LRP1B: variants seen among roughly 807,000 people sequenced by gnomAD.
LRP1B encodes the protein low-density lipoprotein receptor-related protein 1B.
In LRP1B, 217 loss-of-function variants were observed where a neutral mutation model predicts 556.6. That is an observed-to-expected ratio of 0.39 (90% confidence interval 0.35 to 0.44). The LOEUF is 0.44. Ranked by LOEUF, LRP1B falls within the 20% of genes least tolerant of loss-of-function variation. The pLI, the probability that LRP1B is intolerant of heterozygous loss-of-function variation, is 1.00. For missense variants in LRP1B, 5,053 were observed against 5,620.8 expected (o/e 0.90, Z 3.23); for synonymous variants, 2,047 against 1,865.8 (o/e 1.10, Z -2.50).
At chr2:142,093,136 T>C (rs920454524) in intron 1 of LRP1B, among the ~76,000 whole-genome samples, 2 of 152,154 alleles carry the variant, frequency 1.3e-5, no homozygotes, top group Non-Finnish European at 2.9e-5. Context: ...TTTGAAGTCT[T>C]TCTCCATCTT....
chr2:141,112,977 C>T (rs972198451), intron 7 of LRP1B, among the ~76,000 whole-genome samples: 2 of 152,100 alleles, frequency 1.3e-5, no homozygotes, highest in African/African-American at 4.8e-5. Context: ...CTGATACAGA[C>T]TTTTGAAAAG....
intron 53 of LRP1B, 100 bp from the exon 54 acceptor site, chr2:140,503,203 C>T: frequency 1.1e-6 from 1 of 933,228 alleles, no homozygotes; most frequent in Non-Finnish European, 1.6e-6. Flanking sequence ...GTGGATTACT[C>T]ATGTCTCCCA....
chr2:141,195,751 G>C (rs187541748), intron 6 of LRP1B, among the ~76,000 whole-genome samples: 56 of 152,264 alleles, frequency 3.7e-4, no homozygotes, highest in Admixed American at 3.4e-3. Context: ...TTATCAAAGT[G>C]TCATTCTGTG....
At chr2:140,911,870 T>G (rs185537242) in intron 21 of LRP1B, among the ~76,000 whole-genome samples, 1 of 151,930 alleles carries the variant, frequency 6.6e-6, no homozygotes, top group Non-Finnish European at 1.5e-5. Context: ...TCAACAGATA[T>G]ATCTATAAAT....
chr2:140,430,394 T>C (rs975940922), intron 66 of LRP1B, among the ~76,000 whole-genome samples: 2 of 152,218 alleles, frequency 1.3e-5, no homozygotes, highest in African/African-American at 4.8e-5. Context: ...CCTCCATCAT[T>C]AATGCCTCTT....
intron 1 of LRP1B, among the ~76,000 whole-genome samples, chr2:142,041,259 C>A (rs1704055252): frequency 6.6e-6 from 1 of 151,302 alleles, no homozygotes; most frequent in Non-Finnish European, 1.5e-5. Flanking sequence ...GACAAGGAAG[C>A]CATTATCATT....
Position 141,053,822 on chromosome 2 carries a change from GTA to G in LRP1B, c.1552+1292_1552+1293del, listed in dbSNP as rs1230354372. ...TGTATGTATGCACATATGCATGTGTGTATATATGTGTGTGTGTGTGTGTGTGA... is the reference window on the plus strand; with the variant it reads ...TGTATGTATGCACATATGCATGTGTGTATATGTGTGTGTGTGTGTGTGTGA... On this transcript the variant is annotated intron_variant, in intron 10 of 90. Coordinates refer to ENST00000389484, the MANE Select transcript of LRP1B (RefSeq NM_018557.3). Among the ~76,000 whole-genome samples the G allele has an allele frequency of 5.8e-5, 4 of 68,898 alleles. No individual in the cohort carries two copies. In the East Asian group the frequency reaches 1.5e-3, roughly 26 times the overall value. The allele number at this position is 68,898 out of a possible 152,430, so 45.2% of individuals were successfully genotyped here.
chr2:140,890,130 G>T (rs903270836), intron 23 of LRP1B, among the ~76,000 whole-genome samples: 1 of 151,424 alleles, frequency 6.6e-6, no homozygotes, highest in African/African-American at 2.4e-5. Flanking sequence ...TTCCAGATGG[G>T]TACATAATGT....
intron 72 of LRP1B, 36 bp downstream of exon 72, chr2:140,364,625 T>C: frequency 6.2e-7 from 1 of 1,602,046 alleles, no homozygotes; most frequent in Non-Finnish European, 8.5e-7. Flanking sequence ...GATCAGAAGA[T>C]AAAAGTATAA....
chr2:140,686,926 T>A (rs1559054963), intron 41 of LRP1B, among the ~76,000 whole-genome samples: 2 of 151,656 alleles, frequency 1.3e-5, no homozygotes, highest in African/African-American at 4.8e-5. Context: ...AGTTTGGTAT[T>A]AAAAAAAATG....
chr2:140,575,488 C>A (rs978692173), intron 43 of LRP1B, among the ~76,000 whole-genome samples: 1 of 152,032 alleles, frequency 6.6e-6, no homozygotes, highest in Non-Finnish European at 1.5e-5. Context: ...TTTTTGTTAA[C>A]CATGCCATGG....
chr2:140,495,825 A>C, intron 55 of LRP1B, 77 bp from the exon 56 acceptor site: 1 of 1,167,274 alleles, frequency 8.6e-7, no homozygotes, highest in South Asian at 1.6e-5. Flanking sequence ...CTTTAGCATT[A>C]AGCAAGAAAA....
intron 84 of LRP1B, among the ~76,000 whole-genome samples, chr2:140,279,454 T>C (rs564579253): frequency 6.1e-4 from 93 of 152,094 alleles, no homozygotes; most frequent in African/African-American, 2.2e-3. Context: ...AGTTTAATTT[T>C]TCTCTCACTC....
intron 32 of LRP1B, among the ~76,000 whole-genome samples, chr2:140,801,054 G>T (rs550225708): frequency 5.9e-5 from 9 of 152,184 alleles, no homozygotes; most frequent in African/African-American, 2.2e-4. Context: ...GCAGGTGTTT[G>T]TGTGTGTGGC....
At chr2:140,260,761 C>G (rs1681898665) in intron 86 of LRP1B, among the ~76,000 whole-genome samples, 1 of 151,860 alleles carries the variant, frequency 6.6e-6, no homozygotes, top group African/African-American at 2.4e-5. Context: ...ATACTAATAT[C>G]AGATTTCAAA....
intron 1 of LRP1B, among the ~76,000 whole-genome samples, chr2:141,971,050 G>C (rs1308442006): frequency 6.6e-6 from 1 of 151,534 alleles, no homozygotes; most frequent in African/African-American, 2.4e-5. Context: ...TCTGTGCTAG[G>C]ATTAGCAAGC....
intron 2 of LRP1B, among the ~76,000 whole-genome samples, chr2:141,772,470 C>T (rs1694932093): frequency 6.6e-6 from 1 of 152,102 alleles, no homozygotes; most frequent in African/African-American, 2.4e-5. Context: ...GCATCAGCAT[C>T]ACATAGAATT....
intron 5 of LRP1B, among the ~76,000 whole-genome samples, chr2:141,240,871 T>G (rs1005040458): frequency 2.4e-4 from 37 of 152,082 alleles, no homozygotes; most frequent in African/African-American, 8.9e-4. Context: ...TTTCCATGTC[T>G]CATATTTTCT....
At chr2:141,421,829 T>TGG (rs1216731522) in intron 3 of LRP1B, among the ~76,000 whole-genome samples, 1 of 152,184 alleles carries the variant, frequency 6.6e-6, no homozygotes, top group Non-Finnish European at 1.5e-5. Flanking sequence ...AACGTACCAA[T>TGG]GATCTCATTT....
Sources: gnomAD v4.1 joint callset for allele counts (sites outside exome capture counted in the v4.1 genomes callset) on GRCh38, gnomAD v4.1.1 for gene constraint, MANE v1.5 for transcripts, NCBI Gene and HGNC (gene_info 2026-07-23, HGNC 2026-07-21) for gene names.